The following NIPSNAP1 variants were observed in gnomAD, a reference collection of about 807,000 sequenced individuals.
NIPSNAP1 encodes protein NipSnap homolog 1.
NIPSNAP1 carries 25 observed loss-of-function variants against 49.2 expected under a neutral mutation model. That is an observed-to-expected ratio of 0.51 (90% CI 0.37 to 0.71). The LOEUF is 0.71. Among genes scored for constraint, NIPSNAP1 ranks in the 30% least tolerant of loss-of-function variants. The pLI is 0.00. For synonymous variants in NIPSNAP1, 143 were observed against 140.7 expected, an observed-to-expected ratio of 1.02 and a Z score of -0.12; for missense variants, 294 against 361.0, an observed-to-expected ratio of 0.81 and a Z score of 1.50.
intron 1 of NIPSNAP1, chr22:29,580,359 G>C: frequency 1.3e-6 from 1 of 792,182 alleles, no homozygotes; most frequent in East Asian, 1.3e-4. Flanking sequence ...CCCAGGCTGA[G>C]AGCACATGGC....
chr22:29,568,724 G>A (rs1035780850), intron 4 of NIPSNAP1, among the ~76,000 whole-genome samples: 1 of 152,112 alleles, frequency 6.6e-6, no homozygotes, highest in African/African-American at 2.4e-5. Context: ...CTGGGGAGGC[G>A]GAGGTTGCAG....
At chr22:29,576,664 G>A (rs1284838545) in intron 1 of NIPSNAP1, among the ~76,000 whole-genome samples, 4 of 151,380 alleles carry the variant, frequency 2.6e-5, no homozygotes, top group Non-Finnish European at 5.9e-5. Context: ...GGTGGCTCAC[G>A]CCTGTAATCC....
chr22:29,558,920 C>T lies in NIPSNAP1; in HGVS notation c.740G>A (p.Arg247Gln). ...GCCTCTCTTCCTCCAGGCAGCGTTTCGAGTCTCCTCCCGAGACTGCAGGTC... is the reference window on the plus strand; with the variant it reads ...GCCTCTCTTCCTCCAGGCAGCGTTTTGAGTCTCCTCCCGAGACTGCAGGTC... ...YKDLQSREETRNAAWRKRGWD... is the reference protein window; with the variant it reads ...YKDLQSREETQNAAWRKRGWD... Residue 247 changes from arginine to glutamine, a missense_variant, in exon 9 of 10, where the codon CGA becomes CAA. Transcript: ENST00000216121. The T allele has an allele frequency of 6.2e-7, 1 of 1,613,918 alleles. No individual in the cohort carries two copies. Among genetic ancestry groups the T allele is most frequent in the Non-Finnish European group, 8.5e-7 (1 of 1,179,932 alleles).
At chr22:29,578,420 C>T (rs988283455) in intron 1 of NIPSNAP1, among the ~76,000 whole-genome samples, 1 of 151,266 alleles carries the variant, frequency 6.6e-6, no homozygotes, top group Admixed American at 6.6e-5. Flanking sequence ...AATCCTCCCA[C>T]CTTGGCCTAC....
chr22:29,558,213 TA>T (rs2064309275), intron 9 of NIPSNAP1, among the ~76,000 whole-genome samples: 1 of 152,222 alleles, frequency 6.6e-6, no homozygotes, highest in Non-Finnish European at 1.5e-5. Flanking sequence ...CTCATGCCTG[TA>T]ATCACAGCAC....
intron 7 of NIPSNAP1, 78 bp from the exon 8 acceptor site, chr22:29,560,906 TC>T: frequency 7.4e-7 from 1 of 1,358,882 alleles, no homozygotes; most frequent in South Asian, 1.2e-5. Context: ...TGGCCACACT[TC>T]ACAGGAGGGG....
chr22:29,560,642 C>A, intron 8 of NIPSNAP1, 92 bp downstream of exon 8: 2 of 966,798 alleles, frequency 2.1e-6, no homozygotes, highest in South Asian at 1.3e-5. Flanking sequence ...ACATTAAGTT[C>A]TATGAGGACA....
chr22:29,570,440 G>C lies in NIPSNAP1; in HGVS notation c.191C>G (p.Ser64Cys). 1 of 1,614,108 alleles carries C rather than the reference G, an allele frequency of 6.2e-7. No homozygotes were observed. Among genetic ancestry groups the C allele is most frequent in the Non-Finnish European group, 8.5e-7 (1 of 1,180,022 alleles). ...PRKDAHSTLLSKKETSNLYKI... is the reference protein window; with the variant it reads ...PRKDAHSTLLCKKETSNLYKI... ...ATAGAGGTTGCTGGTTTCCTTCTTG[G>C]ACAGCAGGGTGGAGTGGGCATCCTT... Residue 64 changes from serine to cysteine, a missense_variant, in exon 2 of 10, where the codon TCC becomes TGC. Physicochemically the swap from Ser to Cys is moderately radical, Grantham distance 112 (BLOSUM62 -1). Transcript: ENST00000216121.
intron 1 of NIPSNAP1, among the ~76,000 whole-genome samples, chr22:29,572,563 C>A (rs1224578929): frequency 6.6e-6 from 1 of 151,878 alleles, no homozygotes; most frequent in Non-Finnish European, 1.5e-5. Context: ...AATCCCAGCA[C>A]TTTGGGAGGC....
chr22:29,574,299 A>G (rs13053160), intron 1 of NIPSNAP1, among the ~76,000 whole-genome samples: 1 of 150,660 alleles, frequency 6.6e-6, no homozygotes, highest in Non-Finnish European at 1.5e-5. Context: ...AAAAGAAAGA[A>G]AAAGAAAAGA....
intron 4 of NIPSNAP1, among the ~76,000 whole-genome samples, chr22:29,563,933 G>T (rs75149000): frequency 1.3e-5 from 2 of 152,172 alleles, no homozygotes; most frequent in Admixed American, 6.6e-5. Context: ...TCAACACCTT[G>T]ATTTGTGACT....
chr22:29,572,665 C>T lies in NIPSNAP1; in HGVS notation c.99-2133G>A, dbSNP rs375361452. Among the ~76,000 whole-genome samples the T allele has an allele frequency of 2.6e-5, 4 of 151,620 alleles. No individual in the cohort carries two copies. In the South Asian group the frequency reaches 6.3e-4, roughly 24 times the overall value. ...AAAAAATAAAATTAGCTGGGCATGA[C>T]GGTATGTGCCTGTAGTCCCACTACT... On this transcript the variant is annotated intron_variant, in intron 1 of 9. Transcript: ENST00000216121.
In NIPSNAP1 at chr22:29,561,876, G is replaced by T. The variant is rs1214796745; in HGVS notation, c.368-14C>A. 3.1e-6 allele frequency: 5 copies of T among 1,613,910 alleles called. No individual in the cohort carries two copies. Among genetic ancestry groups the T allele is most frequent in the Middle Eastern group, 3.3e-4 (2 of 6,022 alleles). ...GCCACAGGTGCACTGTTGGGGGTGA[G>T]AGGTATAGGTCAGTGAGCTGCTGGG... On this transcript the variant is annotated splice_polypyrimidine_tract_variant and intron_variant, in intron 4 of 9. Coordinates refer to ENST00000216121, the MANE Select transcript of NIPSNAP1 (RefSeq NM_003634.4).
intron 1 of NIPSNAP1, chr22:29,580,156 C>T: frequency 7.7e-7 from 1 of 1,304,120 alleles, no homozygotes; most frequent in Non-Finnish European, 1.0e-6. Flanking sequence ...GGGTGGGAGG[C>T]TGGGGAAACA....
At chr22:29,560,241 C>CTT (rs35947318) in intron 8 of NIPSNAP1, among the ~76,000 whole-genome samples, 49 of 145,284 alleles carry the variant, frequency 3.4e-4, no homozygotes, top group Middle Eastern at 3.6e-3. Flanking sequence ...CTCTCCCTGC[C>CTT]TTTTTTTTTT....
intron 1 of NIPSNAP1, among the ~76,000 whole-genome samples, chr22:29,572,525 A>AG (rs1174048570): frequency 6.6e-6 from 1 of 151,444 alleles, no homozygotes; most frequent in African/African-American, 2.4e-5. Flanking sequence ...TACAAAAAAA[A>AG]TAATAAATAT....
intron 4 of NIPSNAP1, among the ~76,000 whole-genome samples, chr22:29,563,504 G>A (rs1253437805): frequency 6.6e-6 from 1 of 151,892 alleles, no homozygotes; most frequent in African/African-American, 2.4e-5. Context: ...TCCAGCCTGG[G>A]CAAAAGAGCA....
intron 9 of NIPSNAP1, among the ~76,000 whole-genome samples, chr22:29,557,107 A>G (rs1028236984): frequency 6.6e-6 from 1 of 151,262 alleles, no homozygotes; most frequent in Admixed American, 6.6e-5. Flanking sequence ...TTGGGACCAC[A>G]CTTGATTTTT....
At chr22:29,559,256 TC>T (rs1430908503) in intron 8 of NIPSNAP1, among the ~76,000 whole-genome samples, 5 of 151,964 alleles carry the variant, frequency 3.3e-5, no homozygotes, top group East Asian at 3.9e-4. Flanking sequence ...TGTTAACACT[TC>T]CGGCTAGGTG....
Sources: gnomAD v4.1 joint callset for allele counts (sites outside exome capture counted in the v4.1 genomes callset) on GRCh38, gnomAD v4.1.1 for gene constraint, MANE v1.5 for transcripts, NCBI Gene and HGNC (gene_info 2026-07-23, HGNC 2026-07-21) for gene names.